The following TNRC18 variants were observed in gnomAD, a reference collection of about 807,000 sequenced individuals.
TNRC18 encodes the protein trinucleotide repeat containing 18.
In TNRC18, 69 loss-of-function variants were observed where a neutral mutation model predicts 226.7. The ratio of observed to expected loss-of-function variants is 0.30; its 90% CI spans 0.25 to 0.37. TNRC18 has a LOEUF of 0.37. Ranked by LOEUF, TNRC18 falls within the 10% of genes least tolerant of loss-of-function variation. TNRC18 has a pLI of 1.00. For missense variants in TNRC18, 4,754 were observed against 4,256.6 expected (o/e 1.12, Z -3.25); for synonymous variants, 2,449 against 1,927.6 (o/e 1.27, Z -7.09).
At chr7:5,421,844 C>T (rs1782605457) in intron 1 of TNRC18, among the ~76,000 whole-genome samples, 1 of 152,260 alleles carries the variant, frequency 6.6e-6, no homozygotes, top group African/African-American at 2.4e-5. Flanking sequence ...TATTTTATTC[C>T]TAGGCGTCAA....
chr7:5,326,716 A>G (rs904840269), intron 19 of TNRC18, among the ~76,000 whole-genome samples: 1 of 151,952 alleles, frequency 6.6e-6, no homozygotes, highest in Admixed American at 6.6e-5. Context: ...CTGAGGCAGA[A>G]TCATCACTTG....
At chr7:5,399,156 C>G (rs930589318) in intron 2 of TNRC18, among the ~76,000 whole-genome samples, 1 of 152,148 alleles carries the variant, frequency 6.6e-6, no homozygotes, top group African/African-American at 2.4e-5. Flanking sequence ...AAGGACCGAG[C>G]AGTTGCCATC....
At chr7:5,404,586 T>C (rs1781338452) in intron 2 of TNRC18, among the ~76,000 whole-genome samples, 1 of 152,096 alleles carries the variant, frequency 6.6e-6, no homozygotes, top group Non-Finnish European at 1.5e-5. Context: ...CATCTCCAGC[T>C]TTTGGAAAAC....
intron 25 of TNRC18, 121 bp from the exon 26 acceptor site, chr7:5,315,269 A>G (rs1583739792): frequency 1.8e-6 from 2 of 1,091,042 alleles, no homozygotes; most frequent in Non-Finnish European, 2.5e-6. Flanking sequence ...CAGGTGGCTG[A>G]CCCCGGATGG....
In TNRC18 at chr7:5,359,404, G is replaced by C; in HGVS notation, c.4827C>G (p.Ile1609Met). 6.2e-7 allele frequency: 1 copy of C among 1,614,032 alleles called. No homozygotes were observed. Among genetic ancestry groups the C allele is most frequent in the Middle Eastern group, 1.6e-4 (1 of 6,062 alleles). The part of the protein sequence containing the change: ...WDEHEASSDF[I>M]SQLKIKKKKM... Reference sequence around the variant, plus strand: ...GGAAGACTGGGTTACTCACCTGACTGATGAAGTCCGACGAGGCCTCATGTT... The same window carrying C: ...GGAAGACTGGGTTACTCACCTGACTCATGAAGTCCGACGAGGCCTCATGTT... Residue 1609 changes from isoleucine to methionine, a missense_variant, in exon 15 of 30, where the codon ATC becomes ATG. Coordinates refer to ENST00000430969, the MANE Select transcript of TNRC18 (RefSeq NM_001080495.3).
intron 18 of TNRC18, among the ~76,000 whole-genome samples, chr7:5,335,220 T>C (rs1013877585): frequency 9.8e-5 from 14 of 143,192 alleles, no homozygotes; most frequent in African/African-American, 3.3e-4. Context: ...GGAGAATCAC[T>C]TGGACCCGGA....
In TNRC18 at chr7:5,389,319, T is replaced by C; in HGVS notation, c.505A>G (p.Thr169Ala). 7.8e-7 allele frequency: 1 copy of C among 1,279,476 alleles called. No individual in the cohort carries two copies. Among genetic ancestry groups the C allele is most frequent in the Non-Finnish European group, 9.9e-7 (1 of 1,013,382 alleles). The allele number at this position is 1,279,476 out of a possible 1,614,324, so 79.3% of individuals were successfully genotyped here. ...GPGGDGFYLP[T>A]AGAPGSLHSH... is the part of the protein sequence containing the mutation. ...TGCAGGGAGCCCGGAGCCCCCGCGG[T>C]GGGCAGGTAGAAACCGTCTGCGGAG... is the stretch of plus-strand genomic sequence containing the variant. The change falls in exon 5 of 30, where the codon ACC (threonine) becomes GCC (alanine). Residue 169 changes from threonine (T) to alanine (A), a missense_variant. By Grantham distance (58) the Thr-to-Ala change is moderately conservative. Coordinates refer to ENST00000430969, the MANE Select transcript of TNRC18 (RefSeq NM_001080495.3).
intron 2 of TNRC18, among the ~76,000 whole-genome samples, chr7:5,415,856 C>T (rs1018208788): frequency 6.6e-6 from 1 of 151,306 alleles, no homozygotes; most frequent in Non-Finnish European, 1.5e-5. Context: ...CCTGTAATCC[C>T]AGCACTTTGG....
At chr7:5,408,366 T>A (rs1584104261) in intron 2 of TNRC18, among the ~76,000 whole-genome samples, 1 of 150,770 alleles carries the variant, frequency 6.6e-6, no homozygotes, top group Non-Finnish European at 1.5e-5. Context: ...AACATCCCCC[T>A]GGCCAGGCGC....
At chr7:5,318,608 AC>A (rs1201402437) in intron 24 of TNRC18, among the ~76,000 whole-genome samples, 1 of 151,756 alleles carries the variant, frequency 6.6e-6, no homozygotes. Flanking sequence ...ATGAGAACAC[AC>A]ACACACACAC....
rs755012954 is a variant in TNRC18, at chr7:5,388,465, G to A, written c.1359C>T (p.Ser453=). 109 of 1,433,112 alleles carry A rather than the reference G, an allele frequency of 7.6e-5. No homozygotes were observed. The South Asian group carries it at 1.1e-3, about 14-fold the overall frequency. 88.8% of individuals were successfully genotyped at this position (1,433,112 alleles called of 1,614,324 possible). The change falls in exon 5 of 30, where the codon TCC becomes TCT. Residue 453 remains serine, a synonymous_variant. Transcript: ENST00000430969. ...CAGGCACGTAGGCGCGGGGGTCCGG[G>A]GAGGCGCGTGTGGCCCGCACCGTGG... ...DAPTVRATRA[S]PDPRAYVPAK...
rs201143658 is a variant in TNRC18 at position 5,313,591 on chromosome 7, G to A, written c.7300C>T (p.Arg2434Cys). The A allele has an allele frequency of 1.4e-4, 228 of 1,603,958 alleles. No homozygotes were observed. Among genetic ancestry groups the A allele is most frequent in the Non-Finnish European group, 1.7e-4 (205 of 1,176,164 alleles). ...GCCCGCGCCTTCTTGGGCTTGGGGC[G>A]TGTGGCAGGCATGGTGATGAGGGGT... ...PAPLITMPATRPKPKKARAAE... is the reference protein window; with the variant it reads ...PAPLITMPATCPKPKKARAAE... The change falls in exon 27 of 30, where the codon CGC (arginine) becomes TGC (cysteine). Residue 2434 changes from arginine to cysteine, a missense_variant. By Grantham distance (180) the Arg-to-Cys change is radical. Coordinates refer to ENST00000430969, the MANE Select transcript of TNRC18 (RefSeq NM_001080495.3).
intron 5 of TNRC18, among the ~76,000 whole-genome samples, chr7:5,382,777 G>A (rs1028934518): frequency 3.9e-5 from 6 of 152,038 alleles, no homozygotes; most frequent in Admixed American, 1.3e-4. Context: ...ATCCCTGCAG[G>A]CCTGTCTCCC....
At chr7:5,352,296 C>T (rs1218897654) in intron 16 of TNRC18, among the ~76,000 whole-genome samples, 4 of 152,170 alleles carry the variant, frequency 2.6e-5, no homozygotes, top group East Asian at 3.8e-4. Flanking sequence ...GCCCTGGGTG[C>T]CTCGGTCATT....
In TNRC18 at chr7:5,322,259, CAGAG is replaced by C. The variant is rs534913356; in HGVS notation, c.6443-1073_6443-1070del. 1.5e-3 allele frequency among the ~76,000 whole-genome samples: 220 copies of C among 148,936 alleles called. 2 individuals are homozygous for C. Among genetic ancestry groups the C allele is most frequent in the South Asian group, 0.012 (57 of 4,610 alleles). ...CGCCACTGCACTCCAGCCCGGGTGA[CAGAG>C]AGTCAGATTCCGTCTCAATAATCAT... On this transcript the variant is annotated intron_variant, in intron 21 of 29. Coordinates refer to ENST00000430969, the MANE Select transcript of TNRC18 (RefSeq NM_001080495.3).
chr7:5,357,859 G>C (rs1243828581), intron 15 of TNRC18, among the ~76,000 whole-genome samples: 4 of 152,176 alleles, frequency 2.6e-5, no homozygotes, highest in African/African-American at 9.7e-5. Flanking sequence ...GATGAACTCA[G>C]ATAAGGTATG....
At chr7:5,362,117 G>A (rs1793119755) in intron 12 of TNRC18, 84 bp from the exon 13 acceptor site, 1 of 1,522,060 alleles carries the variant, frequency 6.6e-7, no homozygotes, top group East Asian at 2.3e-5. Flanking sequence ...GTGCCCCTGA[G>A]GAAGGGGAGA....
chr7:5,363,147 A>G (rs1414571069), intron 11 of TNRC18, among the ~76,000 whole-genome samples: 2 of 151,918 alleles, frequency 1.3e-5, no homozygotes, highest in African/African-American at 4.8e-5. Context: ...ACTAAAAATA[A>G]CAAAAACTAG....
intron 26 of TNRC18, among the ~76,000 whole-genome samples, chr7:5,314,316 C>A (rs1185757003): frequency 6.6e-6 from 1 of 152,150 alleles, no homozygotes; most frequent in Non-Finnish European, 1.5e-5. Flanking sequence ...TGAGCAGAAC[C>A]TGGCTGCAGC....
Sources: allele counts gnomAD v4.1 joint callset (sites outside exome capture counted in the v4.1 genomes callset), GRCh38; gene constraint gnomAD v4.1.1; transcripts MANE v1.5; gene names NCBI Gene and HGNC (gene_info 2026-07-23, HGNC 2026-07-21).